LRRC7: variants seen among roughly 807,000 people sequenced by gnomAD.
The protein encoded by LRRC7 is leucine-rich repeat-containing protein 7.
Under a neutral mutation model 175.7 loss-of-function variants are expected in LRRC7, and 23 were observed. That is an observed-to-expected ratio of 0.13 (90% CI 0.09 to 0.19). LRRC7 has a LOEUF of 0.19. Ranked by LOEUF, LRRC7 falls within the 10% of genes least tolerant of loss-of-function variation. LRRC7 has a pLI of 1.00. For synonymous variants in LRRC7, 685 were observed against 680.9 expected (o/e 1.01, Z -0.09); for missense variants, 1,354 against 1,904.7 (o/e 0.71, Z 5.38).
intron 18 of LRRC7, 26 bp from the exon 19 acceptor site, chr1:70,036,095 T>G: frequency 6.5e-7 from 1 of 1,541,718 alleles, no homozygotes; most frequent in Non-Finnish European, 8.9e-7. Context: ...TTTACTTTCC[T>G]TGTCCTGTAT....
chr1:69,969,299 C>A (rs543885586), intron 8 of LRRC7, among the ~76,000 whole-genome samples: 2 of 152,048 alleles, frequency 1.3e-5, no homozygotes, highest in African/African-American at 4.8e-5. Flanking sequence ...ACATTAAATG[C>A]AAATGGTCTA....
intron 7 of LRRC7, among the ~76,000 whole-genome samples, chr1:69,842,585 G>C (rs895716915): frequency 2.0e-5 from 3 of 151,990 alleles, no homozygotes; most frequent in Admixed American, 6.6e-5. Context: ...GAATTACTGG[G>C]GTAATATCAG....
intron 7 of LRRC7, among the ~76,000 whole-genome samples, chr1:69,870,321 G>A (rs1028778688): frequency 6.6e-6 from 1 of 152,046 alleles, no homozygotes; most frequent in Non-Finnish European, 1.5e-5. Context: ...ACAGCCCAAG[G>A]TTAAGGAGCC....
chr1:70,078,385 A>G (rs1026932243), intron 24 of LRRC7, among the ~76,000 whole-genome samples: 1 of 152,074 alleles, frequency 6.6e-6, no homozygotes, highest in African/African-American at 2.4e-5. Flanking sequence ...CCTCTTCCCA[A>G]TGGCACCTTC....
intron 2 of LRRC7, among the ~76,000 whole-genome samples, chr1:69,727,127 C>T (rs1220333949): frequency 6.6e-6 from 1 of 152,160 alleles, no homozygotes; most frequent in East Asian, 1.9e-4. Context: ...GGCTTTCAAA[C>T]CAGCCTCAGT....
intron 18 of LRRC7, among the ~76,000 whole-genome samples, chr1:70,031,436 G>T (rs1035943653): frequency 6.6e-6 from 1 of 151,990 alleles, no homozygotes; most frequent in Non-Finnish European, 1.5e-5. Context: ...GTATATAAAT[G>T]CCCACAGCGT....
Position 70,125,811 on chromosome 1 carries a change from A to G in LRRC7, c.*3924A>G, listed in dbSNP as rs908517173. Among the ~76,000 whole-genome samples the G allele has an allele frequency of 3.9e-3, 580 of 150,072 alleles. 8 individuals are homozygous for G. The highest frequency in any genetic ancestry group is 0.013 in the African/African-American group (528 of 40,708). On this transcript the variant is annotated 3_prime_UTR_variant, in exon 27 of 27. Transcript: ENST00000651989. ...CGTCTCAAAAAAAAAAAAAAAAAAA[A>G]AGAGAAGATTCAGAGGGGAGAAAAC...
At chr1:69,666,743 C>T (rs557877724) in intron 1 of LRRC7, among the ~76,000 whole-genome samples, 15 of 151,132 alleles carry the variant, frequency 9.9e-5, no homozygotes, top group African/African-American at 3.6e-4. Flanking sequence ...ATTTTGTTTG[C>T]TTTTTCAAAA....
At chr1:70,024,306 TTATAA>T (rs1482245237) in intron 17 of LRRC7, among the ~76,000 whole-genome samples, 1 of 150,784 alleles carries the variant, frequency 6.6e-6, no homozygotes, top group African/African-American at 2.4e-5. Context: ...ACATAATATA[TTATAA>T]TATATTAAAA....
intron 23 of LRRC7, among the ~76,000 whole-genome samples, chr1:70,053,627 T>C (rs17131165): frequency 0.018 from 2,778 of 152,148 alleles, 46 homozygotes; most frequent in African/African-American, 0.045. Flanking sequence ...AGTTTCTTAC[T>C]TCAAGAGCCT....
rs1429079093 is a variant in LRRC7 at position 70,143,538 on chromosome 1, C to CAACA, written c.*21653_*21656dup. ...CCTTGTAAAGCTTTTATGGAAGAACCAACAAGCCACAGCAGTATAGCAAAA... is the reference window on the plus strand; with the variant it reads ...CCTTGTAAAGCTTTTATGGAAGAACCAACAAACAAGCCACAGCAGTATAGCAAAA... On this transcript the variant is annotated 3_prime_UTR_variant, in exon 27 of 27. Coordinates refer to ENST00000651989, the MANE Select transcript of LRRC7 (RefSeq NM_001370785.2). 1 of 151,956 alleles carries CAACA rather than the reference C, an allele frequency of 6.6e-6. No homozygotes were observed. Among genetic ancestry groups the CAACA allele is most frequent in the African/African-American group, 2.4e-5 (1 of 41,372 alleles). 9.4% of individuals were successfully genotyped at this position (151,956 alleles called of 1,614,324 possible). A position where few individuals can be genotyped will look rare whatever the true frequency, so the allele number is the denominator to read the frequency against.
chr1:70,063,999 T>A (rs1661778654), intron 23 of LRRC7, among the ~76,000 whole-genome samples: 2 of 151,996 alleles, frequency 1.3e-5, no homozygotes, highest in Admixed American at 1.3e-4. Context: ...CCACCTCACT[T>A]TTTATGTGTC....
At chr1:69,624,049 G>A (rs1034548042) in intron 1 of LRRC7, among the ~76,000 whole-genome samples, 2 of 152,058 alleles carry the variant, frequency 1.3e-5, no homozygotes, top group Admixed American at 1.3e-4. Flanking sequence ...ATATACCTAG[G>A]TGTAGAATGG....
At chr1:69,836,131 C>T (rs1681075867) in intron 6 of LRRC7, among the ~76,000 whole-genome samples, 1 of 152,004 alleles carries the variant, frequency 6.6e-6, no homozygotes, top group South Asian at 2.1e-4. Context: ...CTGAAGCTCG[C>T]ACAGGACATT....
intron 5 of LRRC7, among the ~76,000 whole-genome samples, chr1:69,829,696 T>C (rs1029440375): frequency 2.0e-5 from 3 of 151,870 alleles, no homozygotes; most frequent in African/African-American, 7.2e-5. Flanking sequence ...CAATTACATG[T>C]GAAAAGCCAC....
intron 8 of LRRC7, among the ~76,000 whole-genome samples, chr1:69,974,789 A>C (rs1047444101): frequency 5.1e-4 from 78 of 152,216 alleles, no homozygotes; most frequent in African/African-American, 1.9e-3. Context: ...ACATCCAGTA[A>C]TAAAAATATC....
intron 17 of LRRC7, among the ~76,000 whole-genome samples, chr1:70,023,797 G>A (rs754650384): frequency 6.6e-6 from 1 of 152,088 alleles, no homozygotes. Flanking sequence ...TCTTAAAATA[G>A]CATCAGATTT....
intron 11 of LRRC7, among the ~76,000 whole-genome samples, chr1:70,011,186 T>A (rs1656470936): frequency 6.6e-6 from 1 of 152,190 alleles, no homozygotes; most frequent in African/African-American, 2.4e-5. Flanking sequence ...ATACAGTGAC[T>A]CTCTACTGTC....
chr1:69,910,107 G>C (rs903196422), intron 7 of LRRC7, among the ~76,000 whole-genome samples: 3 of 152,080 alleles, frequency 2.0e-5, no homozygotes, highest in Non-Finnish European at 2.9e-5. Flanking sequence ...CTCGAGCCTT[G>C]GCTTTCATCT....
Sources: allele counts gnomAD v4.1 joint callset (sites outside exome capture counted in the v4.1 genomes callset), GRCh38; gene constraint gnomAD v4.1.1; transcripts MANE v1.5; gene names NCBI Gene and HGNC (gene_info 2026-07-23, HGNC 2026-07-21).